ATP8A2: variants seen among roughly 807,000 people sequenced by gnomAD.
ATP8A2 encodes phospholipid-transporting ATPase IB.
A neutral mutation model predicts 165.6 loss-of-function variants in ATP8A2; 100 were observed. That is an observed-to-expected ratio of 0.60 (90% CI 0.51 to 0.71). The LOEUF is 0.71. Among genes scored for constraint, ATP8A2 ranks in the 30% least tolerant of loss-of-function variants. The pLI is 0.00. For missense variants in ATP8A2, 1,227 were observed against 1,479.5 expected (o/e 0.83, Z 2.80); for synonymous variants, 543 against 548.8 (o/e 0.99, Z 0.15).
intron 1 of ATP8A2, among the ~76,000 whole-genome samples, chr13:25,436,621 T>A (rs2034783789): frequency 6.6e-6 from 1 of 152,176 alleles, no homozygotes; most frequent in Admixed American, 6.5e-5. Flanking sequence ...GGGTATATAC[T>A]CACTAATGGG....
At chr13:25,600,991 C>G (rs1038305744) in intron 24 of ATP8A2, among the ~76,000 whole-genome samples, 1 of 152,174 alleles carries the variant, frequency 6.6e-6, no homozygotes, top group Non-Finnish European at 1.5e-5. Flanking sequence ...GTCGATTCTT[C>G]ATGGTACTTT....
chr13:25,530,712 T>G, intron 4 of ATP8A2, 52 bp downstream of exon 4: 1 of 1,110,786 alleles, frequency 9.0e-7, no homozygotes, highest in Non-Finnish European at 1.3e-6. Context: ...AGATAATAAC[T>G]TATGTGTTGC....
At chr13:25,599,077 T>C (rs2040312360) in intron 24 of ATP8A2, among the ~76,000 whole-genome samples, 1 of 152,140 alleles carries the variant, frequency 6.6e-6, no homozygotes, top group Non-Finnish European at 1.5e-5. Context: ...TCTTTTTTCA[T>C]ATATATGAGA....
chr13:25,753,532 G>T (rs2044198684), intron 25 of ATP8A2, among the ~76,000 whole-genome samples: 1 of 152,206 alleles, frequency 6.6e-6, no homozygotes, highest in African/African-American at 2.4e-5. Flanking sequence ...CCAGCTCCAT[G>T]CCAGCTATTG....
At chr13:25,751,249 A>G (rs1245579961) in intron 25 of ATP8A2, among the ~76,000 whole-genome samples, 2 of 152,186 alleles carry the variant, frequency 1.3e-5, no homozygotes, top group East Asian at 1.9e-4. Context: ...AGTGCCTACC[A>G]GAAGGGTAAA....
intron 33 of ATP8A2, among the ~76,000 whole-genome samples, chr13:25,928,367 C>T (rs1954670495): frequency 6.6e-6 from 1 of 152,174 alleles, no homozygotes; most frequent in South Asian, 2.1e-4. Context: ...TTCAAATGAA[C>T]ATCATTGAAA....
chr13:25,410,969 GT>G (rs2033948581), intron 1 of ATP8A2, among the ~76,000 whole-genome samples: 1 of 152,154 alleles, frequency 6.6e-6, no homozygotes, highest in African/African-American at 2.4e-5. Context: ...TGTTCATCCA[GT>G]TTTTCTGCTG....
At chr13:25,523,389 C>T (rs373331732) in intron 2 of ATP8A2, among the ~76,000 whole-genome samples, 4 of 151,724 alleles carry the variant, frequency 2.6e-5, no homozygotes, top group South Asian at 2.1e-4. Context: ...CCCACCTCAG[C>T]GACGTCCTGA....
At chr13:25,929,671 AAC>A (rs1362525660) in intron 33 of ATP8A2, among the ~76,000 whole-genome samples, 6 of 152,078 alleles carry the variant, frequency 3.9e-5, no homozygotes, top group Non-Finnish European at 8.8e-5. Context: ...CCAGCCTGGC[AAC>A]ACAGTGAGAC....
At chr13:25,873,601 A>T (rs1463533904) in intron 33 of ATP8A2, among the ~76,000 whole-genome samples, 1 of 150,328 alleles carries the variant, frequency 6.7e-6, no homozygotes, top group African/African-American at 2.4e-5. Flanking sequence ...TCTTATTATG[A>T]TGAATCCAGG....
At chr13:25,930,154 TCTC>T (rs1324993987) in intron 33 of ATP8A2, among the ~76,000 whole-genome samples, 5 of 152,054 alleles carry the variant, frequency 3.3e-5, no homozygotes, top group Non-Finnish European at 5.9e-5. Flanking sequence ...TTAATGCTGT[TCTC>T]CTCTCCCTCC....
chr13:26,000,834 C>T (rs762467045), intron 35 of ATP8A2, among the ~76,000 whole-genome samples: 1 of 152,092 alleles, frequency 6.6e-6, no homozygotes, highest in Non-Finnish European at 1.5e-5. Context: ...GCACCCAATC[C>T]ACCTTTTTTT....
At chr13:25,850,388 C>G (rs1307666101) in intron 30 of ATP8A2, among the ~76,000 whole-genome samples, 2 of 150,692 alleles carry the variant, frequency 1.3e-5, no homozygotes, top group Non-Finnish European at 3.0e-5. Context: ...GCCCCACCCC[C>G]ACCTCATCAG....
At chr13:25,626,277 G>A (rs2041097654) in intron 24 of ATP8A2, among the ~76,000 whole-genome samples, 1 of 152,160 alleles carries the variant, frequency 6.6e-6, no homozygotes, top group South Asian at 2.1e-4. Context: ...TAATGGTTCT[G>A]GAGGCTGGGA....
chr13:25,462,326 C>T (rs188978425), intron 1 of ATP8A2, among the ~76,000 whole-genome samples: 302 of 152,304 alleles, frequency 2.0e-3, no homozygotes, highest in Non-Finnish European at 3.1e-3. Flanking sequence ...AGACCACCTG[C>T]ACATCTGACC....
chr13:25,558,355 A>G (rs925674343), intron 13 of ATP8A2, among the ~76,000 whole-genome samples: 1 of 152,212 alleles, frequency 6.6e-6, no homozygotes, highest in African/African-American at 2.4e-5. Context: ...TACGAGTATT[A>G]TATGTAGATG....
At chr13:25,861,544 A>G (rs1229850720) in intron 32 of ATP8A2, among the ~76,000 whole-genome samples, 1 of 152,226 alleles carries the variant, frequency 6.6e-6, no homozygotes, top group East Asian at 1.9e-4. Context: ...CTCTGCTAAG[A>G]AAAATGGGGA....
intron 35 of ATP8A2, among the ~76,000 whole-genome samples, chr13:26,010,720 G>A (rs1956827383): frequency 6.6e-6 from 1 of 152,218 alleles, no homozygotes. Context: ...CAATTGCTCA[G>A]CCAGACCCGG....
intron 2 of ATP8A2, among the ~76,000 whole-genome samples, chr13:25,481,513 A>G (rs1566170455): frequency 1.3e-5 from 2 of 152,196 alleles, no homozygotes; most frequent in Non-Finnish European, 2.9e-5. Context: ...TTTAAATTGG[A>G]TAAAGTGATG....
Sources: gnomAD v4.1 joint callset for allele counts (sites outside exome capture counted in the v4.1 genomes callset) on GRCh38, gnomAD v4.1.1 for gene constraint, MANE v1.5 for transcripts, NCBI Gene and HGNC (gene_info 2026-07-23, HGNC 2026-07-21) for gene names.